The following SCAPER variants were observed in gnomAD, a reference collection of about 807,000 sequenced individuals.
SCAPER encodes the protein S phase cyclin A-associated protein in the endoplasmic reticulum.
Under a neutral mutation model 182.2 loss-of-function variants are expected in SCAPER, and 98 were observed. The ratio of observed to expected loss-of-function variants is 0.54; its 90% CI spans 0.46 to 0.64. The LOEUF (loss-of-function observed/expected upper bound fraction) is 0.64. Ranked by LOEUF, SCAPER falls within the 30% of genes least tolerant of loss-of-function variation. The pLI, the probability that SCAPER is intolerant of heterozygous loss-of-function variation, is 0.00. For synonymous variants in SCAPER, 605 were observed against 564.6 expected (o/e 1.07, Z -1.01); for missense variants, 1,432 against 1,690.0 (o/e 0.85, Z 2.68).
At chr15:76,846,020 A>G (rs939183045) in intron 4 of SCAPER, among the ~76,000 whole-genome samples, 1 of 152,154 alleles carries the variant, frequency 6.6e-6, no homozygotes, top group African/African-American at 2.4e-5. Context: ...AACATAATAA[A>G]GAGCCCAGAA....
In SCAPER at chr15:76,354,992, C is replaced by T. The variant is rs2040856974; in HGVS notation, c.3856-852G>A. 6.6e-6 allele frequency among the ~76,000 whole-genome samples: 1 copy of T among 152,194 alleles called. No homozygotes were observed. The highest frequency in any genetic ancestry group is 2.4e-5 in the African/African-American group (1 of 41,442). ...CACTTCGTGGTATAGGAGGAAGCTC[C>T]TAGATGGTTGGGAACACTGTAAACC... On this transcript the variant is annotated intron_variant, in intron 29 of 31. Transcript: ENST00000563290. The surrounding 1 kb of genome is among the most constrained non-coding windows in gnomAD (Gnocchi z 4.4).
intron 6 of SCAPER, among the ~76,000 whole-genome samples, chr15:76,803,933 A>C (rs2065959271): frequency 6.6e-6 from 1 of 152,098 alleles, no homozygotes; most frequent in Non-Finnish European, 1.5e-5. Flanking sequence ...GCATTCAGAT[A>C]CTCTGTGGTG....
chr15:76,866,242 AGTGT>A (rs375451190), intron 2 of SCAPER, among the ~76,000 whole-genome samples: 17 of 150,710 alleles, frequency 1.1e-4, no homozygotes, highest in African/African-American at 3.2e-4. Flanking sequence ...AGAGACACTG[AGTGT>A]GTGTGTGTGT....
chr15:76,546,700 A>G (rs2045320051), intron 23 of SCAPER, among the ~76,000 whole-genome samples: 1 of 151,932 alleles, frequency 6.6e-6, no homozygotes, highest in Non-Finnish European at 1.5e-5. Flanking sequence ...TAAGAAGTAC[A>G]GCATTTCCTT....
intron 2 of SCAPER, among the ~76,000 whole-genome samples, chr15:76,876,429 A>C (rs1298225028): frequency 8.9e-6 from 1 of 112,230 alleles, no homozygotes; most frequent in Non-Finnish European, 1.8e-5. Flanking sequence ...CTCTGCCTCA[A>C]AACAAAAGCA....
chr15:76,413,975 T>C (rs539468275), intron 26 of SCAPER, among the ~76,000 whole-genome samples: 1 of 152,336 alleles, frequency 6.6e-6, no homozygotes, highest in Admixed American at 6.5e-5. Context: ...CTTTCATGGT[T>C]CTTGATAAGT....
rs553534998 is a variant in SCAPER at position 76,764,719 on chromosome 15, C to T, written c.1725+242G>A. 1.5e-4 allele frequency among the ~76,000 whole-genome samples: 23 copies of T among 152,260 alleles called. No individual in the cohort carries two copies. The South Asian group carries it at 1.9e-3, about 12-fold the overall frequency. On this transcript the variant is annotated intron_variant, in intron 14 of 31. Transcript: ENST00000563290. ...CCCCAAGGAAACCCTCCAATGAAAA[C>T]GGCAAAAGTAGAGCTTTAATAATCC...
At chr15:76,709,647 T>C (rs927167398) in intron 17 of SCAPER, among the ~76,000 whole-genome samples, 1 of 152,160 alleles carries the variant, frequency 6.6e-6, no homozygotes, top group South Asian at 2.1e-4. Context: ...TAGAAAGAAA[T>C]AATACCTATC....
chr15:76,523,167 GA>G (rs2042949680), intron 23 of SCAPER, among the ~76,000 whole-genome samples: 1 of 151,908 alleles, frequency 6.6e-6, no homozygotes, highest in Non-Finnish European at 1.5e-5. Context: ...ATTCAAATTA[GA>G]AGACAATTTT....
chr15:76,670,851 G>T (rs2056962048), intron 20 of SCAPER, among the ~76,000 whole-genome samples: 1 of 152,078 alleles, frequency 6.6e-6, no homozygotes, highest in Admixed American at 6.6e-5. Context: ...CTTCTTCTAA[G>T]AGAGAGATCA....
intron 22 of SCAPER, among the ~76,000 whole-genome samples, chr15:76,599,075 TA>T (rs2049723511): frequency 8.4e-6 from 1 of 118,958 alleles, no homozygotes. Flanking sequence ...AATTCAATAA[TA>T]AAAAAAGATA....
intron 5 of SCAPER, among the ~76,000 whole-genome samples, chr15:76,837,463 T>C (rs998042016): frequency 4.6e-5 from 7 of 152,048 alleles, no homozygotes; most frequent in African/African-American, 1.7e-4. Context: ...AGGAGAAGTG[T>C]GGAGCAAAAG....
chr15:76,756,600 C>G (rs533514109), intron 14 of SCAPER, among the ~76,000 whole-genome samples: 6 of 152,094 alleles, frequency 3.9e-5, no homozygotes, highest in African/African-American at 1.2e-4. Context: ...ATAGAAGAAT[C>G]ATTATGCAAT....
At chr15:76,477,502 A>G (rs2050748877) in intron 24 of SCAPER, among the ~76,000 whole-genome samples, 1 of 152,212 alleles carries the variant, frequency 6.6e-6, no homozygotes, top group Non-Finnish European at 1.5e-5. Flanking sequence ...TCCCTAGGAT[A>G]AATTTCCAAT....
chr15:76,728,759 T>C (rs2060738514), intron 16 of SCAPER, 22 bp from the exon 17 acceptor site: 5 of 1,596,140 alleles, frequency 3.1e-6, no homozygotes, highest in Non-Finnish European at 4.3e-6. Context: ...AATATTTGTT[T>C]CCAATATTAG....
chr15:76,453,918 T>C (rs1317563125), intron 25 of SCAPER, among the ~76,000 whole-genome samples: 1 of 152,198 alleles, frequency 6.6e-6, no homozygotes, highest in Admixed American at 6.5e-5. Flanking sequence ...TTATCATCTG[T>C]GTCTATTTAA....
intron 22 of SCAPER, among the ~76,000 whole-genome samples, chr15:76,619,398 C>T (rs1272067472): frequency 6.6e-6 from 1 of 152,114 alleles, no homozygotes; most frequent in Non-Finnish European, 1.5e-5. Context: ...GCAATATATA[C>T]AAGTCTTTAT....
intron 15 of SCAPER, among the ~76,000 whole-genome samples, chr15:76,743,429 C>CT (rs1367890559): frequency 6.6e-6 from 1 of 152,076 alleles, no homozygotes; most frequent in Non-Finnish European, 1.5e-5. Flanking sequence ...GGTACTGAAA[C>CT]TGATAAGCTG....
At chr15:76,706,079 G>T in intron 17 of SCAPER, 95 bp from the exon 18 acceptor site, 2 of 821,058 alleles carry the variant, frequency 2.4e-6, no homozygotes, top group Non-Finnish European at 1.8e-6. Context: ...GGGTCATATA[G>T]TCTAAAGGGC....
Sources: allele counts gnomAD v4.1 joint callset (sites outside exome capture counted in the v4.1 genomes callset), GRCh38; gene constraint gnomAD v4.1.1; non-coding constraint Gnocchi (gnomAD v3.1); transcripts MANE v1.5; gene names NCBI Gene and HGNC (gene_info 2026-07-23, HGNC 2026-07-21).